HEMK1: variants seen among roughly 807,000 people sequenced by gnomAD.
HEMK1 encodes HemK methyltransferase 1, mitochondrial release factors N(5)-glutamine.
A neutral mutation model predicts 47.9 loss-of-function variants in HEMK1; 36 were observed. That is an observed-to-expected ratio of 0.75 (90% CI 0.58 to 0.99). HEMK1 has a LOEUF of 0.99. Among genes scored for constraint, HEMK1 ranks in the 50% least tolerant of loss-of-function variants. The pLI, the probability that HEMK1 is intolerant of heterozygous loss-of-function variation, is 0.00. For synonymous variants in HEMK1, 153 were observed against 165.4 expected, an observed-to-expected ratio of 0.93 and a Z score of 0.57; for missense variants, 383 against 434.5, an observed-to-expected ratio of 0.88 and a Z score of 1.05.
rs1189954187 is a variant in HEMK1 at position 50,585,129 on chromosome 3, G to C, written c.*4712G>C. 2 of 152,334 alleles carry C rather than the reference G, an allele frequency of 1.3e-5. No individual in the cohort carries two copies. The highest frequency in any genetic ancestry group is 1.5e-5 in the Non-Finnish European group (1 of 68,122). The allele number at this position is 152,334 out of a possible 1,614,324, so 9.4% of individuals were successfully genotyped here. A position where few individuals can be genotyped will look rare whatever the true frequency, so the allele number is the denominator to read the frequency against. On this transcript the variant is annotated 3_prime_UTR_variant, in exon 11 of 11. Coordinates refer to ENST00000232854, the MANE Select transcript of HEMK1 (RefSeq NM_016173.5). ...TGGGACTGGGATGTGGGGAGAAAGT[G>C]CAAGGCTGGCCTCCATGGCCCATCT...
intron 4 of HEMK1, among the ~76,000 whole-genome samples, chr3:50,573,834 A>C (rs1256441783): frequency 6.6e-6 from 1 of 152,230 alleles, no homozygotes; most frequent in Non-Finnish European, 1.5e-5. Flanking sequence ...CATTTTCCCT[A>C]AGGGTGAGAA....
At chr3:50,571,943 G>T in intron 3 of HEMK1, 142 bp downstream of exon 3, 2 of 1,291,358 alleles carry the variant, frequency 1.5e-6, no homozygotes, top group Non-Finnish European at 1.1e-6. Flanking sequence ...GAGTGGGGCC[G>T]GGGTACTGAA....
At position 50,578,930 on chromosome 3, in the gene HEMK1, C is replaced by T. The variant is rs2030272130; in HGVS notation, c.770+4C>T. The T allele has an allele frequency of 6.2e-7, 1 of 1,607,308 alleles. No homozygotes were observed. Among genetic ancestry groups the T allele is most frequent in the Middle Eastern group, 1.7e-4 (1 of 6,008 alleles). ...AGCTGGCCCCTGAGATCCGCAGGTGCTAAGCAGGGTGGGCCAGGGAGGCCA... is the reference window on the plus strand; with the variant it reads ...AGCTGGCCCCTGAGATCCGCAGGTGTTAAGCAGGGTGGGCCAGGGAGGCCA... On this transcript the variant is annotated splice_donor_region_variant and intron_variant, in intron 8 of 10. Coordinates refer to ENST00000232854, the MANE Select transcript of HEMK1 (RefSeq NM_016173.5).
In HEMK1 at chr3:50,578,804, C is replaced by CTCT. The variant is rs747724090; in HGVS notation, c.665-12_665-10dup. 3.2e-6 allele frequency: 5 copies of CTCT among 1,575,402 alleles called. No homozygotes were observed. The highest frequency in any genetic ancestry group is 3.5e-6 in the Non-Finnish European group (4 of 1,147,918). ...AATGGGTTAGTCCCTACTGTGTGTCCTCTTCTTTGACGACAGAAAGGAGCT... is the reference window on the plus strand; with the variant it reads ...AATGGGTTAGTCCCTACTGTGTGTCCTCTTCTTCTTTGACGACAGAAAGGAGCT... On this transcript the variant is annotated splice_polypyrimidine_tract_variant and intron_variant, in intron 7 of 10. Coordinates refer to ENST00000232854, the MANE Select transcript of HEMK1 (RefSeq NM_016173.5).
chr3:50,577,026 C>T (rs371979770), intron 4 of HEMK1, 26 bp from the exon 5 acceptor site: 1 of 1,613,462 alleles, frequency 6.2e-7, no homozygotes, highest in South Asian at 1.1e-5. Context: ...GGCACCGACT[C>T]TGATCCAGAT....
At chr3:50,578,124 G>A (rs560092621) in intron 7 of HEMK1, among the ~76,000 whole-genome samples, 4 of 152,310 alleles carry the variant, frequency 2.6e-5, no homozygotes, top group African/African-American at 9.6e-5. Flanking sequence ...GAGAACTTCC[G>A]AATTCCTCAC....
intron 10 of HEMK1, 71 bp downstream of exon 10, chr3:50,580,300 G>C: frequency 4.4e-6 from 7 of 1,606,128 alleles, no homozygotes; most frequent in Non-Finnish European, 6.0e-6. Context: ...AGCCCTGGCT[G>C]TCAGGAGAGT....
Position 50,585,583 on chromosome 3 carries a change from C to T in HEMK1, c.*5166C>T, listed in dbSNP as rs2031288841. ...AGGCTTGGGGCTCCTGAAGCCAGTC[C>T]TAACCCAGGAGCCACATGGAGAGCT... On this transcript the variant is annotated 3_prime_UTR_variant, in exon 11 of 11. Transcript: ENST00000232854. 1.3e-5 allele frequency: 2 copies of T among 152,182 alleles called. No homozygotes were observed. The highest frequency in any genetic ancestry group is 2.9e-5 in the Non-Finnish European group (2 of 68,042). 9.4% of individuals were successfully genotyped at this position (152,182 alleles called of 1,614,324 possible). A position where few individuals can be genotyped will look rare whatever the true frequency, so the allele number is the denominator to read the frequency against.
rs183180224 is a variant in HEMK1, at chr3:50,575,445, A to T, written c.415-1607A>T. On this transcript the variant is annotated intron_variant, in intron 4 of 10. Coordinates refer to ENST00000232854, the MANE Select transcript of HEMK1 (RefSeq NM_016173.5). ...CTCAAAAAAAAAAAGAAAAGAAAAG[A>T]AAAAAAGAAAGTAGCCAAGAGGTTT... is the stretch of plus-strand genomic sequence containing the variant. Among the ~76,000 whole-genome samples the T allele has an allele frequency of 6.7e-4, 101 of 151,872 alleles. 1 individual carries two copies. The East Asian group carries it at 0.018, about 27-fold the overall frequency.
chr3:50,577,518 A>G lies in HEMK1; in HGVS notation c.559A>G (p.Ile187Val). The G allele has an allele frequency of 6.2e-7, 1 of 1,614,076 alleles. No homozygotes were observed. The highest frequency in any genetic ancestry group is 8.5e-7 in the Non-Finnish European group (1 of 1,179,950). ...TTTGTTCTTGGGACAGAGCCGAGTC[A>G]TTGCTGTGGATAAGCGGGAAGCTGC... ...LLSQLPQSRV[I>V]AVDKREAAIS... is the part of the protein sequence containing the mutation. Residue 187 changes from isoleucine to valine, a missense_variant, in exon 6 of 11, where the codon ATT (isoleucine) becomes GTT (valine). Ile to Val is a conservative substitution (Grantham distance 29, BLOSUM62 3). Coordinates refer to ENST00000232854, the MANE Select transcript of HEMK1 (RefSeq NM_016173.5).
chr3:50,573,894 TG>T (rs762747293), intron 4 of HEMK1, among the ~76,000 whole-genome samples: 196 of 152,310 alleles, frequency 1.3e-3, no homozygotes, highest in Non-Finnish European at 2.3e-3. Context: ...AACTCAGGGC[TG>T]GGGGTGTGAA....
intron 4 of HEMK1, among the ~76,000 whole-genome samples, chr3:50,572,962 G>A (rs961911451): frequency 6.6e-6 from 1 of 152,240 alleles, no homozygotes. Flanking sequence ...TTCTGAGAAG[G>A]AGTGTTTCTA....
chr3:50,584,538 G>A lies in HEMK1; in HGVS notation c.*4121G>A, dbSNP rs1394034760. 6.6e-6 allele frequency: 1 copy of A among 152,170 alleles called. No individual in the cohort carries two copies. Among genetic ancestry groups the A allele is most frequent in the East Asian group, 1.9e-4 (1 of 5,196 alleles). The allele number at this position is 152,170 out of a possible 1,614,324, so 9.4% of individuals were successfully genotyped here. Reference sequence around the variant, plus strand: ...AAGGAGGCAGGAGTGTCAGAGTGACGGAAGAAAATGTATGTAACAATGGAA... The same window carrying A: ...AAGGAGGCAGGAGTGTCAGAGTGACAGAAGAAAATGTATGTAACAATGGAA... On this transcript the variant is annotated 3_prime_UTR_variant, in exon 11 of 11. Coordinates refer to ENST00000232854, the MANE Select transcript of HEMK1 (RefSeq NM_016173.5).
At position 50,571,318 on chromosome 3, in the gene HEMK1, C is replaced by G; in HGVS notation, c.214C>G (p.Leu72Val). The G allele has an allele frequency of 1.3e-6, 2 of 1,593,954 alleles. No individual in the cohort carries two copies. The highest frequency in any genetic ancestry group is 1.7e-6 in the Non-Finnish European group (2 of 1,169,470). Residue 72 changes from leucine to valine, a missense_variant, in exon 2 of 11, where the codon CTT becomes GTT. By Grantham distance (32) the Leu-to-Val change is conservative. Coordinates refer to ENST00000232854, the MANE Select transcript of HEMK1 (RefSeq NM_016173.5). ...CAGTGAGTACATCGTGGCTCATGTC[C>G]TTGGAGCCAAAACAGTTAAGTTTAG... ...ESSEYIVAHV[L>V]GAKTFQSLRP...
Position 50,580,673 on chromosome 3 carries a change from C to A in HEMK1, c.*256C>A. On this transcript the variant is annotated 3_prime_UTR_variant, in exon 11 of 11. Transcript: ENST00000232854. ...GGCCAGTAAAGTATTGAGAGACTAA[C>A]AAATGGTGACCTAATGTTTTGTCCA... 1.8e-6 allele frequency: 1 copy of A among 562,606 alleles called. No homozygotes were observed. 34.9% of individuals were successfully genotyped at this position (562,606 alleles called of 1,614,324 possible). A position where few individuals can be genotyped will look rare whatever the true frequency, so the allele number is the denominator to read the frequency against.
At chr3:50,574,253 C>A (rs551676960) in intron 4 of HEMK1, among the ~76,000 whole-genome samples, 1 of 152,174 alleles carries the variant, frequency 6.6e-6, no homozygotes, top group Non-Finnish European at 1.5e-5. Flanking sequence ...TTAGTCTTGC[C>A]GAAAGAGCCA....
intron 4 of HEMK1, among the ~76,000 whole-genome samples, 156 bp downstream of exon 4, chr3:50,572,364 G>T (rs1310769249): frequency 6.6e-6 from 1 of 152,144 alleles, no homozygotes; most frequent in East Asian, 1.9e-4. Flanking sequence ...TGTTGGCAGA[G>T]CCCAGAGGAC....
chr3:50,571,932 A>G lies in HEMK1; in HGVS notation c.320+131A>G, dbSNP rs1701014184. ...GAGGTGTTGGGGTGCAGGAGTGGCA[A>G]GAGTGGGGCCGGGGTACTGAATAGG... On this transcript the variant is annotated intron_variant, in intron 3 of 10. Coordinates refer to ENST00000232854, the MANE Select transcript of HEMK1 (RefSeq NM_016173.5). The G allele has an allele frequency of 1.2e-5, 13 of 1,065,672 alleles. No homozygotes were observed. In the East Asian group the frequency reaches 1.4e-4, roughly 12 times the overall value. 66.0% of individuals were successfully genotyped at this position (1,065,672 alleles called of 1,614,324 possible).
At position 50,592,866 on chromosome 3, in the gene HEMK1, G is replaced by C. The variant is rs1226393343; in HGVS notation, c.*12449G>C. 2 of 152,570 alleles carry C rather than the reference G, an allele frequency of 1.3e-5. No homozygotes were observed. The highest frequency in any genetic ancestry group is 6.5e-5 in the Admixed American group (1 of 15,288). 9.5% of individuals were successfully genotyped at this position (152,570 alleles called of 1,614,324 possible). A position where few individuals can be genotyped will look rare whatever the true frequency, so the allele number is the denominator to read the frequency against. On this transcript the variant is annotated 3_prime_UTR_variant, in exon 11 of 11. Coordinates refer to ENST00000232854, the MANE Select transcript of HEMK1 (RefSeq NM_016173.5). ...GGAGCACTGTGCCCGAGGCAAAGCT[G>C]GCCCCGTGGAGTTTGCTATTCCAGC...
Sources: allele counts gnomAD v4.1 joint callset (sites outside exome capture counted in the v4.1 genomes callset), GRCh38; gene constraint gnomAD v4.1.1; transcripts MANE v1.5; gene names NCBI Gene and HGNC (gene_info 2026-07-23, HGNC 2026-07-21).